COL25A1: variants seen among roughly 807,000 people sequenced by gnomAD.
COL25A1 encodes collagen alpha-1(XXV) chain.
Under a neutral mutation model 128.4 loss-of-function variants are expected in COL25A1, and 103 were observed. That is an observed-to-expected ratio of 0.80 (90% CI 0.68 to 0.94). The LOEUF is 0.94. COL25A1 is among the 40% of genes least tolerant of loss of function. The pLI, the probability that COL25A1 is intolerant of heterozygous loss-of-function variation, is 0.00. For missense variants in COL25A1, 745 were observed against 840.0 expected, an observed-to-expected ratio of 0.89 and a Z score of 1.40; for synonymous variants, 279 against 277.2, an observed-to-expected ratio of 1.01 and a Z score of -0.06.
chr4:108,830,649 T>C (rs1732987317), intron 32 of COL25A1, among the ~76,000 whole-genome samples: 2 of 152,260 alleles, frequency 1.3e-5, no homozygotes, highest in South Asian at 2.1e-4. Context: ...TGACTGAAAC[T>C]ATGCCTTCAA....
chr4:108,954,727 A>T (rs761492986), intron 8 of COL25A1, among the ~76,000 whole-genome samples: 5 of 152,022 alleles, frequency 3.3e-5, no homozygotes, highest in Admixed American at 6.6e-5. Context: ...TTATGGTTAC[A>T]TGAATTAATT....
intron 11 of COL25A1, among the ~76,000 whole-genome samples, chr4:108,925,389 G>A (rs1002584275): frequency 6.6e-6 from 1 of 152,114 alleles, no homozygotes; most frequent in Non-Finnish European, 1.5e-5. Context: ...AGCTCTCAGT[G>A]ATAAAGAGGT....
At chr4:109,167,042 A>G (rs1037315515) in intron 3 of COL25A1, among the ~76,000 whole-genome samples, 1 of 152,184 alleles carries the variant, frequency 6.6e-6, no homozygotes, top group East Asian at 1.9e-4. Flanking sequence ...AATATGATCA[A>G]TGAGGTCTTT....
intron 3 of COL25A1, among the ~76,000 whole-genome samples, chr4:109,213,751 G>A (rs1777772802): frequency 1.3e-5 from 2 of 152,046 alleles, no homozygotes; most frequent in African/African-American, 4.8e-5. Context: ...CAAGTTTTAG[G>A]GTGGCTTATT....
In COL25A1 at chr4:109,302,337, C is replaced by G. The variant is rs1725640826; in HGVS notation, c.-225G>C. On this transcript the variant is annotated 5_prime_UTR_variant, in exon 1 of 38. Coordinates refer to ENST00000399132, the MANE Select transcript of COL25A1 (RefSeq NM_198721.4). ...TCTTCCGACTCCCAGAGGACCGACA[C>G]CTCTTTCGAGGGCCCCAACAGTGGC... is the stretch of plus-strand genomic sequence containing the variant. 1 of 324,304 alleles carries G rather than the reference C, an allele frequency of 3.1e-6. No homozygotes were observed. The highest frequency in any genetic ancestry group is 4.7e-5 in the Admixed American group (1 of 21,432). 20.1% of individuals were successfully genotyped at this position (324,304 alleles called of 1,614,324 possible).
chr4:108,878,555 TA>T lies in COL25A1; in HGVS notation c.1020+5622del, dbSNP rs1373529668. On this transcript the variant is annotated intron_variant, in intron 19 of 37. Coordinates refer to ENST00000399132, the MANE Select transcript of COL25A1 (RefSeq NM_198721.4). The stretch of plus-strand genomic sequence containing the variant: ...AGAACCACCAGGCAGCCAGTTTTGG[TA>T]ATGATTGATACGTAAAATTATTGAG... 4.9e-4 allele frequency among the ~76,000 whole-genome samples: 75 copies of T among 152,170 alleles called. 1 individual carries two copies. Among genetic ancestry groups the T allele is most frequent in the Admixed American group, 2.6e-4 (4 of 15,274 alleles).
At chr4:108,935,517 C>A (rs1409561733) in intron 11 of COL25A1, among the ~76,000 whole-genome samples, 1 of 151,980 alleles carries the variant, frequency 6.6e-6, no homozygotes, top group Admixed American at 6.6e-5. Context: ...ATTTAGATCA[C>A]TTAATATATA....
intron 3 of COL25A1, among the ~76,000 whole-genome samples, chr4:109,257,452 C>T (rs72672621): frequency 0.039 from 5,925 of 152,230 alleles, 397 homozygotes; most frequent in African/African-American, 0.14. Flanking sequence ...GACTACTTCT[C>T]TTAAGGTAGG....
intron 6 of COL25A1, among the ~76,000 whole-genome samples, chr4:108,979,418 T>C (rs72897057): frequency 6.6e-6 from 1 of 152,194 alleles, no homozygotes; most frequent in African/African-American, 2.4e-5. Context: ...AAGAGAGATA[T>C]ATTCATAGGC....
intron 3 of COL25A1, among the ~76,000 whole-genome samples, chr4:109,194,286 G>T (rs1265412965): frequency 6.6e-6 from 1 of 152,246 alleles, no homozygotes; most frequent in Middle Eastern, 3.4e-3. Context: ...TCCTTTTCAG[G>T]TCAGAGGTTA....
intron 3 of COL25A1, among the ~76,000 whole-genome samples, chr4:109,199,438 C>T (rs949332000): frequency 6.6e-6 from 1 of 151,980 alleles, no homozygotes; most frequent in Non-Finnish European, 1.5e-5. Context: ...AGCCACCGTG[C>T]CCAGTCAAAA....
Position 108,810,318 on chromosome 4 carries a change from T to C in COL25A1, c.*3609A>G, listed in dbSNP as rs1730692201. 3 of 151,970 alleles carry C rather than the reference T, an allele frequency of 2.0e-5. No homozygotes were observed. Among genetic ancestry groups the C allele is most frequent in the Non-Finnish European group, 4.4e-5 (3 of 67,844 alleles). The allele number at this position is 151,970 out of a possible 1,614,324, so 9.4% of individuals were successfully genotyped here. On this transcript the variant is annotated 3_prime_UTR_variant, in exon 38 of 38. Coordinates refer to ENST00000399132, the MANE Select transcript of COL25A1 (RefSeq NM_198721.4). ...TTTTCTAAACTAGCACATATGTCTA[T>C]ATAGATAGATAGTTAGACAAAGGAC...
At chr4:108,845,306 GA>G in intron 28 of COL25A1, 55 bp from the exon 29 acceptor site, 2 of 1,426,904 alleles carry the variant, frequency 1.4e-6, no homozygotes, top group Non-Finnish European at 2.0e-6. Context: ...CAGTGTAAGA[GA>G]CAACTGAATT....
chr4:109,072,755 CA>C (rs1268287409), intron 3 of COL25A1, among the ~76,000 whole-genome samples: 1 of 152,170 alleles, frequency 6.6e-6, no homozygotes, highest in East Asian at 1.9e-4. Flanking sequence ...CCACTCTCAC[CA>C]AGATGTCTTA....
intron 18 of COL25A1, among the ~76,000 whole-genome samples, chr4:108,886,954 C>T (rs1740904893): frequency 2.0e-5 from 3 of 152,002 alleles, no homozygotes; most frequent in Admixed American, 6.6e-5. Flanking sequence ...AATTTTACTC[C>T]TCTAAAATTA....
At chr4:109,026,468 C>T (rs992039616) in intron 5 of COL25A1, among the ~76,000 whole-genome samples, 4 of 152,142 alleles carry the variant, frequency 2.6e-5, no homozygotes, top group Non-Finnish European at 4.4e-5. Flanking sequence ...AGATGGCAAG[C>T]AGGCGTTATA....
At chr4:108,916,376 A>G (rs1338136472) in intron 13 of COL25A1, among the ~76,000 whole-genome samples, 1 of 152,216 alleles carries the variant, frequency 6.6e-6, no homozygotes, top group African/African-American at 2.4e-5. Flanking sequence ...AAAATGTCAC[A>G]TTCCTTTCTC....
At chr4:109,224,380 G>T (rs1778636151) in intron 3 of COL25A1, among the ~76,000 whole-genome samples, 2 of 152,130 alleles carry the variant, frequency 1.3e-5, no homozygotes, top group African/African-American at 4.8e-5. Flanking sequence ...TGACTGCATT[G>T]AAAGGAACAA....
intron 3 of COL25A1, among the ~76,000 whole-genome samples, chr4:109,171,826 CT>C (rs1423577192): frequency 6.6e-6 from 1 of 152,184 alleles, no homozygotes; most frequent in Non-Finnish European, 1.5e-5. Flanking sequence ...CAGGACACTT[CT>C]CGCATGAGCC....
Sources: gnomAD v4.1 joint callset for allele counts (sites outside exome capture counted in the v4.1 genomes callset) on GRCh38, gnomAD v4.1.1 for gene constraint, MANE v1.5 for transcripts, NCBI Gene and HGNC (gene_info 2026-07-23, HGNC 2026-07-21) for gene names.